Variants in TRPM3 observed in about 807,000 individuals in gnomAD.
TRPM3 encodes the protein transient receptor potential cation channel subfamily M member 3, also known as long transient receptor potential channel 3.
A neutral mutation model predicts 181.2 loss-of-function variants in TRPM3; 77 were observed. The ratio of observed to expected loss-of-function variants is 0.42; its 90% CI spans 0.35 to 0.51. TRPM3 has a LOEUF of 0.51. Among genes scored for constraint, TRPM3 ranks in the 20% least tolerant of loss-of-function variants. TRPM3 has a pLI of 0.01. For missense variants in TRPM3, 1,759 were observed against 2,196.7 expected (o/e 0.80, Z 3.98); for synonymous variants, 745 against 796.4 (o/e 0.94, Z 1.09).
intron 24 of TRPM3, among the ~76,000 whole-genome samples, chr9:70,549,939 G>T (rs2046059279): frequency 1.3e-5 from 2 of 152,138 alleles, no homozygotes; most frequent in Admixed American, 1.3e-4. Context: ...GGCAAGTTGT[G>T]AGGCCAGGGA....
At chr9:70,790,519 G>A (rs1392565906) in intron 6 of TRPM3, among the ~76,000 whole-genome samples, 1 of 152,132 alleles carries the variant, frequency 6.6e-6, no homozygotes, top group Non-Finnish European at 1.5e-5. Flanking sequence ...TCTGTGTAGA[G>A]AATTCATGTA....
intron 1 of TRPM3, among the ~76,000 whole-genome samples, chr9:70,885,926 A>G (rs1388021824): frequency 6.6e-6 from 1 of 152,230 alleles, no homozygotes; most frequent in African/African-American, 2.4e-5. Context: ...ATACAAAGAA[A>G]CAAAATTTGG....
intron 1 of TRPM3, among the ~76,000 whole-genome samples, chr9:71,267,525 C>A (rs2083469988): frequency 2.0e-5 from 3 of 151,898 alleles, no homozygotes; most frequent in Non-Finnish European, 4.4e-5. Flanking sequence ...TATCCCCAGG[C>A]CACAAAGATT....
At chr9:71,279,064 A>G (rs912640707) in intron 1 of TRPM3, among the ~76,000 whole-genome samples, 1 of 147,592 alleles carries the variant, frequency 6.8e-6, no homozygotes, top group Non-Finnish European at 1.5e-5. Context: ...AATAAAAATA[A>G]AAAAACCACC....
chr9:70,881,824 T>G (rs1285677686), intron 1 of TRPM3, among the ~76,000 whole-genome samples: 2 of 152,180 alleles, frequency 1.3e-5, no homozygotes, highest in Non-Finnish European at 2.9e-5. Context: ...CTCATCAACT[T>G]TTCTGTTGTT....
intron 22 of TRPM3, among the ~76,000 whole-genome samples, chr9:70,578,112 A>G (rs916624193): frequency 1.3e-5 from 2 of 152,150 alleles, no homozygotes; most frequent in Non-Finnish European, 2.9e-5. Context: ...ACTGTTTTCA[A>G]TTTGGTTCAG....
chr9:71,013,663 C>T (rs542873788), intron 1 of TRPM3, among the ~76,000 whole-genome samples: 3 of 151,844 alleles, frequency 2.0e-5, no homozygotes, highest in Non-Finnish European at 4.4e-5. Context: ...TCATATTATC[C>T]TAAGAAATTA....
intron 1 of TRPM3, among the ~76,000 whole-genome samples, chr9:71,063,608 T>C (rs1278203865): frequency 6.6e-6 from 1 of 151,984 alleles, no homozygotes; most frequent in Non-Finnish European, 1.5e-5. Flanking sequence ...CAGGAGAGCA[T>C]AGCTAATGGA....
intron 1 of TRPM3, among the ~76,000 whole-genome samples, chr9:71,201,473 C>G (rs2078790120): frequency 1.3e-5 from 2 of 152,158 alleles, no homozygotes; most frequent in African/African-American, 2.4e-5. Flanking sequence ...GAGTGTTTTC[C>G]AACTTGGTTC....
At chr9:71,399,029 T>A (rs2309901) in intron 1 of TRPM3, among the ~76,000 whole-genome samples, 1 of 152,142 alleles carries the variant, frequency 6.6e-6, no homozygotes, top group African/African-American at 2.4e-5. Context: ...TTTGACTATA[T>A]CCTTTGTCCC....
intron 1 of TRPM3, among the ~76,000 whole-genome samples, chr9:71,115,563 A>T (rs1200266957): frequency 6.6e-6 from 1 of 152,164 alleles, no homozygotes; most frequent in Non-Finnish European, 1.5e-5. Flanking sequence ...AGCAGAGGGG[A>T]GGGTGTGGAA....
At chr9:71,077,784 C>T (rs1413812582) in intron 1 of TRPM3, among the ~76,000 whole-genome samples, 1 of 152,104 alleles carries the variant, frequency 6.6e-6, no homozygotes, top group Non-Finnish European at 1.5e-5. Context: ...GCACTATAGG[C>T]ACTCCATATG....
intron 1 of TRPM3, among the ~76,000 whole-genome samples, chr9:71,360,845 G>A (rs1282954849): frequency 6.6e-6 from 1 of 152,114 alleles, no homozygotes; most frequent in East Asian, 1.9e-4. Flanking sequence ...TAATCTGGAA[G>A]TTTGCATTAA....
In TRPM3 at chr9:70,535,185, A is replaced by G. The variant is rs1371417193; in HGVS notation, c.*768T>C. The G allele has an allele frequency of 1.9e-6, 1 of 536,866 alleles. No individual in the cohort carries two copies. The highest frequency in any genetic ancestry group is 1.9e-5 in the African/African-American group (1 of 52,988). The allele number at this position is 536,866 out of a possible 1,614,324, so 33.3% of individuals were successfully genotyped here. ...CTAGACTTGAACGCCCACTGTATATAATAAATCACTTGACTTTTGTTTTTT... is the reference window on the plus strand; with the variant it reads ...CTAGACTTGAACGCCCACTGTATATGATAAATCACTTGACTTTTGTTTTTT... On this transcript the variant is annotated 3_prime_UTR_variant, in exon 26 of 26. Transcript: ENST00000677713.
At chr9:70,694,747 T>C (rs1201849332) in intron 8 of TRPM3, among the ~76,000 whole-genome samples, 2 of 152,240 alleles carry the variant, frequency 1.3e-5, no homozygotes, top group Non-Finnish European at 2.9e-5. Context: ...CCCAAAGTGC[T>C]GGGATTACAG....
chr9:70,996,691 T>C (rs182360634), intron 1 of TRPM3, among the ~76,000 whole-genome samples: 3 of 152,368 alleles, frequency 2.0e-5, no homozygotes, highest in Non-Finnish European at 2.9e-5. Context: ...GAGAGTTTAT[T>C]TGAATTTTTT....
At position 71,217,111 on chromosome 9, in the gene TRPM3, C is replaced by T. The variant is rs527651632; in HGVS notation, c.183+229542G>A. Among the ~76,000 whole-genome samples the T allele has an allele frequency of 7.6e-3, 1,155 of 151,212 alleles. 20 individuals are homozygous for T. The highest frequency in any genetic ancestry group is 0.026 in the African/African-American group (1,081 of 41,180). On this transcript the variant is annotated intron_variant, in intron 1 of 24. Coordinates refer to the TRPM3 transcript ENST00000357533. ...GACTACAGGCGCCCGCTACCACGCC[C>T]GGCTAATTTTTTGTATTTTTAGTAG... is the stretch of plus-strand genomic sequence containing the variant.
chr9:71,204,758 G>A (rs2079021400), intron 1 of TRPM3, among the ~76,000 whole-genome samples: 1 of 152,140 alleles, frequency 6.6e-6, no homozygotes. Flanking sequence ...AAAGACACAT[G>A]CACACGTATG....
intron 6 of TRPM3, among the ~76,000 whole-genome samples, chr9:70,795,674 T>C (rs1249718763): frequency 2.6e-5 from 4 of 152,230 alleles, no homozygotes; most frequent in Non-Finnish European, 5.9e-5. Flanking sequence ...GTTAAGTCTT[T>C]CGAGTTCTGT....
Sources: gnomAD v4.1 joint callset for allele counts (sites outside exome capture counted in the v4.1 genomes callset) on GRCh38, gnomAD v4.1.1 for gene constraint, MANE v1.5 for transcripts, NCBI Gene and HGNC (gene_info 2026-07-23, HGNC 2026-07-21) for gene names.